The following HS6ST3 variants were observed in gnomAD, a reference collection of about 807,000 sequenced individuals.
The protein encoded by HS6ST3 is heparan-sulfate 6-O-sulfotransferase 3.
A neutral mutation model predicts 36.7 loss-of-function variants in HS6ST3; 12 were observed. The observed-to-expected ratio is 0.33, with a 90% CI of 0.21 to 0.53. The LOEUF (loss-of-function observed/expected upper bound fraction) is 0.53. HS6ST3 is among the 20% of genes least tolerant of loss of function. HS6ST3 has a pLI of 0.95. For synonymous variants in HS6ST3, 240 were observed against 257.5 expected, an observed-to-expected ratio of 0.93 and a Z score of 0.65; for missense variants, 584 against 640.9, an observed-to-expected ratio of 0.91 and a Z score of 0.96.
chr13:96,144,071 G>A (rs1163739403), intron 1 of HS6ST3, among the ~76,000 whole-genome samples: 1 of 152,008 alleles, frequency 6.6e-6, no homozygotes, highest in Non-Finnish European at 1.5e-5. Context: ...GACACAGTGG[G>A]GTCCAAAATC....
chr13:96,254,488 T>A lies in HS6ST3; in HGVS notation c.707+162919T>A, dbSNP rs1436921951. Among the ~76,000 whole-genome samples the A allele has an allele frequency of 2.2e-3, 31 of 13,914 alleles. 6 individuals are homozygous for A. The highest frequency in any genetic ancestry group is 4.2e-3 in the African/African-American group (18 of 4,236). The allele number at this position is 13,914 out of a possible 152,430, so 9.1% of individuals were successfully genotyped here. A position where few individuals can be genotyped will look rare whatever the true frequency, so the allele number is the denominator to read the frequency against. ...ATATATATATATATATATATATATATATATATATATACACATACATACACA... is the reference window on the plus strand; with the variant it reads ...ATATATATATATATATATATATATAAATATATATATACACATACATACACA... On this transcript the variant is annotated intron_variant, in intron 1 of 1. Transcript: ENST00000376705.
intron 1 of HS6ST3, among the ~76,000 whole-genome samples, chr13:96,808,746 G>T (rs1049235585): frequency 1.3e-5 from 2 of 152,164 alleles, no homozygotes; most frequent in African/African-American, 4.8e-5. Flanking sequence ...AAAGAAGTAG[G>T]TTCTGAAAAA....
At chr13:96,335,819 T>C (rs2055098150) in intron 1 of HS6ST3, among the ~76,000 whole-genome samples, 1 of 152,190 alleles carries the variant, frequency 6.6e-6, no homozygotes, top group Non-Finnish European at 1.5e-5. Flanking sequence ...AAAAGATAGA[T>C]AGAAAACAAA....
chr13:96,673,014 A>G (rs2056687441), intron 1 of HS6ST3, among the ~76,000 whole-genome samples: 1 of 152,178 alleles, frequency 6.6e-6, no homozygotes, highest in African/African-American at 2.4e-5. Flanking sequence ...GCTGAAATCA[A>G]GATGTCAACA....
chr13:96,713,855 T>C (rs1011114769), intron 1 of HS6ST3, among the ~76,000 whole-genome samples: 8 of 152,092 alleles, frequency 5.3e-5, no homozygotes. Flanking sequence ...AAATAAATAA[T>C]TACTGGAGCA....
At chr13:96,773,675 A>C (rs1366204197) in intron 1 of HS6ST3, among the ~76,000 whole-genome samples, 2 of 152,200 alleles carry the variant, frequency 1.3e-5, no homozygotes, top group Non-Finnish European at 2.9e-5. Flanking sequence ...CAGCATCCCC[A>C]GTCAGGGGCT....
intron 1 of HS6ST3, among the ~76,000 whole-genome samples, chr13:96,813,362 G>A (rs1196667681): frequency 6.6e-6 from 1 of 152,140 alleles, no homozygotes; most frequent in African/African-American, 2.4e-5. Context: ...TTCTTCCTGA[G>A]AAGGATAAAC....
At chr13:96,544,291 A>G (rs931196796) in intron 1 of HS6ST3, among the ~76,000 whole-genome samples, 2 of 152,338 alleles carry the variant, frequency 1.3e-5, no homozygotes, top group Non-Finnish European at 2.9e-5. Context: ...CTCCAGTGCA[A>G]GGGCATCTGA....
intron 1 of HS6ST3, among the ~76,000 whole-genome samples, chr13:96,163,918 T>G (rs1016641457): frequency 2.0e-5 from 3 of 152,166 alleles, no homozygotes; most frequent in African/African-American, 7.2e-5. Context: ...TTCTTAAATA[T>G]GTATAAAACT....
At chr13:96,541,225 C>T (rs1039332774) in intron 1 of HS6ST3, among the ~76,000 whole-genome samples, 23 of 151,842 alleles carry the variant, frequency 1.5e-4, no homozygotes, top group African/African-American at 3.9e-4. Context: ...TTAGTAGAGA[C>T]GGGGTTTCAC....
intron 1 of HS6ST3, among the ~76,000 whole-genome samples, chr13:96,446,362 C>T (rs570239539): frequency 1.1e-4 from 16 of 152,220 alleles, no homozygotes; most frequent in African/African-American, 3.1e-4. Flanking sequence ...TCTTACTATG[C>T]ATATTGACAT....
chr13:96,621,583 CTT>C (rs2056495326), intron 1 of HS6ST3, among the ~76,000 whole-genome samples: 1 of 152,132 alleles, frequency 6.6e-6, no homozygotes, highest in Admixed American at 6.5e-5. Context: ...ACCTCTTTCC[CTT>C]TCTCTCCAAG....
intron 1 of HS6ST3, among the ~76,000 whole-genome samples, chr13:96,728,713 A>G (rs1876066463): frequency 6.6e-6 from 1 of 152,186 alleles, no homozygotes; most frequent in Non-Finnish European, 1.5e-5. Flanking sequence ...CCTTCCCATA[A>G]TCATGATTTT....
intron 1 of HS6ST3, among the ~76,000 whole-genome samples, chr13:96,607,464 A>G (rs2056443115): frequency 6.6e-6 from 1 of 152,224 alleles, no homozygotes; most frequent in South Asian, 2.1e-4. Flanking sequence ...GGCTTGAGAC[A>G]AGTAGAATAA....
At chr13:96,724,909 A>G (rs1875964870) in intron 1 of HS6ST3, among the ~76,000 whole-genome samples, 2 of 152,236 alleles carry the variant, frequency 1.3e-5, no homozygotes, top group South Asian at 4.1e-4. Flanking sequence ...TGGATCATAT[A>G]GTAGGCATAT....
chr13:96,438,155 C>G (rs1377847107), intron 1 of HS6ST3, among the ~76,000 whole-genome samples: 4 of 152,156 alleles, frequency 2.6e-5, no homozygotes, highest in Non-Finnish European at 4.4e-5. Flanking sequence ...ATATAAACAC[C>G]ACTGTGTCCA....
chr13:96,204,338 C>T (rs937728797), intron 1 of HS6ST3, among the ~76,000 whole-genome samples: 2 of 152,024 alleles, frequency 1.3e-5, no homozygotes, highest in Non-Finnish European at 2.9e-5. Context: ...TATAGGAGCA[C>T]CCAGATTCAT....
At chr13:96,675,874 A>G (rs146747821) in intron 1 of HS6ST3, among the ~76,000 whole-genome samples, 2 of 152,116 alleles carry the variant, frequency 1.3e-5, no homozygotes, top group East Asian at 3.9e-4. Context: ...CTGTCAACCT[A>G]CTGTATCCAC....
chr13:96,503,219 T>C (rs2056012556), intron 1 of HS6ST3, among the ~76,000 whole-genome samples: 1 of 152,152 alleles, frequency 6.6e-6, no homozygotes, highest in Admixed American at 6.6e-5. Flanking sequence ...TTCCTCCTCC[T>C]TCTCCTTCCT....
Sources: allele counts gnomAD v4.1 joint callset (sites outside exome capture counted in the v4.1 genomes callset), GRCh38; gene constraint gnomAD v4.1.1; transcripts MANE v1.5; gene names NCBI Gene and HGNC (gene_info 2026-07-23, HGNC 2026-07-21).